COA1: variants seen among roughly 807,000 people sequenced by gnomAD.
COA1 encodes cytochrome c oxidase assembly factor 1 homolog.
Under a neutral mutation model 16.0 loss-of-function variants are expected in COA1, and 13 were observed. The ratio of observed to expected loss-of-function variants is 0.81; its 90% CI spans 0.53 to 1.29. The LOEUF (loss-of-function observed/expected upper bound fraction) is 1.29. COA1 is among the 50% of genes most tolerant of loss of function. COA1 has a pLI of 0.00. For missense variants in COA1, 179 were observed against 177.0 expected, an observed-to-expected ratio of 1.01 and a Z score of -0.06; for synonymous variants, 65 against 65.7, an observed-to-expected ratio of 0.99 and a Z score of 0.05.
At chr7:43,626,587 G>A (rs1429935453) in intron 6 of COA1, 1 of 152,158 alleles carries the variant, frequency 6.6e-6, no homozygotes, top group African/African-American at 2.4e-5. Context: ...TGAGTCTCAG[G>A]TAAGTCTTGG....
intron 6 of COA1, chr7:43,623,678 A>G (rs1252139848): frequency 6.2e-7 from 1 of 1,602,736 alleles, no homozygotes; most frequent in Non-Finnish European, 8.5e-7. Flanking sequence ...GTATGGTACT[A>G]AATTTTTCTT....
At chr7:43,608,936 T>G (rs1043421265) in exon 7 of COA1, 1 of 152,236 alleles carries the variant, frequency 6.6e-6, no homozygotes, top group Non-Finnish European at 1.5e-5. Context: ...TTAAAGAGAT[T>G]AGAGGCAGGT....
chr7:43,620,822 A>G (rs1279776408), intron 6 of COA1, among the ~76,000 whole-genome samples: 1 of 152,230 alleles, frequency 6.6e-6, no homozygotes, highest in Admixed American at 6.5e-5. Context: ...GGTCATGGAC[A>G]TCAGTGTGGA....
intron 1 of COA1, among the ~76,000 whole-genome samples, chr7:43,680,185 A>G (rs1029779014): frequency 6.6e-6 from 1 of 152,064 alleles, no homozygotes; most frequent in Non-Finnish European, 1.5e-5. Context: ...ATACTATGGA[A>G]ATCAACAAAT....
chr7:43,666,894 T>TTTCAC (rs2092926605), intron 1 of COA1, among the ~76,000 whole-genome samples: 1 of 152,196 alleles, frequency 6.6e-6, no homozygotes, highest in African/African-American at 2.4e-5. Context: ...AAAAGGGTAT[T>TTTCAC]ATATGGTCTT....
chr7:43,618,775 T>A lies in COA1; in HGVS notation c.*134-9280A>T, dbSNP rs575014057. Among the ~76,000 whole-genome samples the A allele has an allele frequency of 1.1e-4, 16 of 152,256 alleles. No individual in the cohort carries two copies. The South Asian group carries it at 3.3e-3, about 32-fold the overall frequency. The stretch of plus-strand genomic sequence containing the variant: ...CACTGATTCTGTGGCTCTGGGGAGC[T>A]CTTTCCCATTACTGTACATGTCCTC... On this transcript the variant is annotated intron_variant and NMD_transcript_variant, in intron 6 of 6. Coordinates refer to the COA1 transcript ENST00000415076.
chr7:43,628,812 A>G (rs752736776), intron 6 of COA1, among the ~76,000 whole-genome samples: 3 of 152,154 alleles, frequency 2.0e-5, no homozygotes, highest in Non-Finnish European at 2.9e-5. Context: ...TTCCCACTCT[A>G]TAGCTTGCCT....
chr7:43,628,795 A>G (rs567434160), intron 6 of COA1, among the ~76,000 whole-genome samples: 14 of 152,286 alleles, frequency 9.2e-5, no homozygotes, highest in African/African-American at 2.2e-4. Flanking sequence ...TATGTGTCAC[A>G]TATCTTTTCC....
At chr7:43,688,092 A>C (rs2094121842) in intron 1 of COA1, among the ~76,000 whole-genome samples, 2 of 152,200 alleles carry the variant, frequency 1.3e-5, no homozygotes. Flanking sequence ...TCCCGCCATG[A>C]TTCTGAGGTC....
chr7:43,686,594 G>A (rs1456078281), intron 1 of COA1, among the ~76,000 whole-genome samples: 2 of 152,196 alleles, frequency 1.3e-5, no homozygotes, highest in African/African-American at 4.8e-5. Context: ...GCGCCCGGCC[G>A]GCTTTGTTTC....
In COA1 at chr7:43,714,324, C is replaced by G. The variant is rs187935078; in HGVS notation, c.-39+15105G>C. 1.4e-4 allele frequency among the ~76,000 whole-genome samples: 21 copies of G among 152,096 alleles called. No homozygotes were observed. In the East Asian group the frequency reaches 3.5e-3, roughly 25 times the overall value. ...GGCTTATTACTAGTATGAACCAATA[C>G]AGTATAAAAATTATATATTGAGGCT... On this transcript the variant is annotated intron_variant, in intron 1 of 5. Transcript: ENST00000223336.
At chr7:43,710,754 A>G (rs1436876836) in intron 1 of COA1, among the ~76,000 whole-genome samples, 1 of 152,204 alleles carries the variant, frequency 6.6e-6, no homozygotes, top group African/African-American at 2.4e-5. Context: ...GTGAAAAATA[A>G]ATTACTGGAT....
At position 43,644,056 on chromosome 7, in the gene COA1, C is replaced by T. The variant is rs948899426; in HGVS notation, c.264+1195G>A. Among the ~76,000 whole-genome samples, 6 of 152,262 alleles carry T rather than the reference C, an allele frequency of 3.9e-5. No individual in the cohort carries two copies. In the South Asian group the frequency reaches 1.0e-3, roughly 26 times the overall value. ...CCCTCCTACCTGCCCACACCCACCT[C>T]GCCCACCTGTGCCTCCACTGCCGTA... On this transcript the variant is annotated intron_variant, in intron 4 of 5. Coordinates refer to ENST00000223336, the MANE Select transcript of COA1 (RefSeq NM_018224.4).
chr7:43,636,362 TGTGTAAAA>T (rs2085875951), downstream of COA1, among the ~76,000 whole-genome samples: 3 of 51,962 alleles, frequency 5.8e-5, no homozygotes, highest in South Asian at 2.0e-3. Context: ...TTGAGCCTCC[TGTGTAAAA>T]CAGCATCTTT....
intron 1 of COA1, among the ~76,000 whole-genome samples, chr7:43,665,420 T>C (rs73108657): frequency 0.15 from 22,342 of 152,212 alleles, 2,187 homozygotes; most frequent in Non-Finnish European, 0.21. Flanking sequence ...TACAATGGCT[T>C]CTTCTGCTAT....
At chr7:43,649,172 T>A (rs1457294467) in intron 1 of COA1, 1 of 152,374 alleles carries the variant, frequency 6.6e-6, no homozygotes, top group Admixed American at 6.5e-5. Flanking sequence ...ATATAATTCA[T>A]TTAATTCTCA....
At chr7:43,677,221 A>G (rs2093567172) in intron 1 of COA1, among the ~76,000 whole-genome samples, 1 of 152,242 alleles carries the variant, frequency 6.6e-6, no homozygotes, top group South Asian at 2.1e-4. Flanking sequence ...TAACTTTTAC[A>G]GCATTGGTAA....
chr7:43,614,019 A>G (rs2083113390), intron 6 of COA1, among the ~76,000 whole-genome samples: 1 of 152,174 alleles, frequency 6.6e-6, no homozygotes, highest in African/African-American at 2.4e-5. Flanking sequence ...TTATTAACCT[A>G]TTTCTCTACT....
chr7:43,705,697 C>T (rs73690131), intron 1 of COA1, among the ~76,000 whole-genome samples: 1 of 152,298 alleles, frequency 6.6e-6, no homozygotes, highest in African/African-American at 2.4e-5. Flanking sequence ...CACAACAAAC[C>T]CTCTGGGCTC....
Sources: gnomAD v4.1 joint callset for allele counts (sites outside exome capture counted in the v4.1 genomes callset) on GRCh38, gnomAD v4.1.1 for gene constraint, MANE v1.5 for transcripts, NCBI Gene and HGNC (gene_info 2026-07-23, HGNC 2026-07-21) for gene names.